Variants in TAS1R1 observed in about 807,000 individuals in gnomAD.
TAS1R1 encodes the protein taste receptor type 1 member 1.
A neutral mutation model predicts 45.8 loss-of-function variants in TAS1R1; 31 were observed. The ratio of observed to expected loss-of-function variants is 0.68; its 90% confidence interval spans 0.51 to 0.91. TAS1R1 has a LOEUF of 0.91. TAS1R1 is among the 40% of genes least tolerant of loss of function. TAS1R1 has a pLI of 0.00. For synonymous variants in TAS1R1, 437 were observed against 448.4 expected, an observed-to-expected ratio of 0.97 and a Z score of 0.32; for missense variants, 1,051 against 1,063.9, an observed-to-expected ratio of 0.99 and a Z score of 0.17.
At chr1:6,568,658 G>GTGGTTA (rs1345658678) in intron 1 of TAS1R1, among the ~76,000 whole-genome samples, 2 of 151,628 alleles carry the variant, frequency 1.3e-5, no homozygotes, top group African/African-American at 4.9e-5. Flanking sequence ...AGGTAATCAT[G>GTGGTTA]TGGTTATGGG....
intron 1 of TAS1R1, among the ~76,000 whole-genome samples, chr1:6,566,503 T>G (rs1639874230): frequency 6.6e-6 from 1 of 152,168 alleles, no homozygotes; most frequent in Non-Finnish European, 1.5e-5. Context: ...GGAGAGTGTG[T>G]TGGTCAAAGA....
chr1:6,564,887 G>T (rs182476585), intron 1 of TAS1R1, among the ~76,000 whole-genome samples: 10 of 152,316 alleles, frequency 6.6e-5, no homozygotes, highest in African/African-American at 2.4e-4. Context: ...CCTCCCCTGG[G>T]AGTGTTCCTC....
At chr1:6,567,015 C>T (rs898326469) in intron 1 of TAS1R1, among the ~76,000 whole-genome samples, 3 of 152,022 alleles carry the variant, frequency 2.0e-5, no homozygotes, top group African/African-American at 7.3e-5. Flanking sequence ...AGGGACTGGA[C>T]TGGCAGAGAG....
At chr1:6,564,687 TTGTCTGATTGTATGGAGCA>T (rs1639845407) in intron 1 of TAS1R1, among the ~76,000 whole-genome samples, 1 of 152,154 alleles carries the variant, frequency 6.6e-6, no homozygotes, top group Non-Finnish European at 1.5e-5. Context: ...GCTAGGGCCA[TTGTCTGATTGTATGGAGCA>T]AGGGAGATCA....
chr1:6,558,729 T>C (rs1200575244), intron 1 of TAS1R1, among the ~76,000 whole-genome samples: 5 of 150,124 alleles, frequency 3.3e-5, no homozygotes, highest in Non-Finnish European at 7.4e-5. Flanking sequence ...AAAAAAAATA[T>C]ATATATTTTG....
intron 5 of TAS1R1, 152 bp from the exon 6 acceptor site, chr1:6,578,501 C>T: frequency 2.9e-6 from 4 of 1,382,882 alleles, no homozygotes; most frequent in Middle Eastern, 5.2e-4. Flanking sequence ...AAATGCGTGG[C>T]CTCAGGCCCC....
Position 6,575,071 on chromosome 1 carries a change from C to T in TAS1R1, c.939C>T (p.Pro313=), listed in dbSNP as rs762164721. The T allele has an allele frequency of 2.6e-5, 42 of 1,588,216 alleles. No individual in the cohort carries two copies. Among genetic ancestry groups the T allele is most frequent in the Admixed American group, 3.5e-5 (2 of 57,668 alleles). ...TCTCCAGGCACATCACTGGGGTGCCCGGGATCCAGCGCATTGGGATGGTGC... is the reference window on the plus strand; with the variant it reads ...TCTCCAGGCACATCACTGGGGTGCCTGGGATCCAGCGCATTGGGATGGTGC... ...WALSRHITGV[P]GIQRIGMVLG... Residue 313 remains proline, a synonymous_variant, in exon 3 of 6, where the codon CCC becomes CCT. Transcript: ENST00000333172.
intron 3 of TAS1R1, among the ~76,000 whole-genome samples, chr1:6,576,002 G>C (rs1640163222): frequency 6.6e-6 from 1 of 151,692 alleles, no homozygotes; most frequent in Non-Finnish European, 1.5e-5. Flanking sequence ...CCTAATTTTT[G>C]TATTTTTAGT....
chr1:6,560,489 G>A lies in TAS1R1; in HGVS notation c.191+4925G>A, dbSNP rs116772195. Among the ~76,000 whole-genome samples, 1,386 of 152,352 alleles carry A rather than the reference G, an allele frequency of 9.1e-3. 16 individuals carry two copies. Among genetic ancestry groups the A allele is most frequent in the African/African-American group, 0.03 (1,264 of 41,586 alleles). On this transcript the variant is annotated intron_variant, in intron 1 of 5. Coordinates refer to ENST00000333172, the MANE Select transcript of TAS1R1 (RefSeq NM_138697.4). ...GGGTAAACCCACTTCCTGGTCGATG[G>A]GCAAAACAACAGCTGGGGAACATCT...
At position 6,575,106 on chromosome 1, in the gene TAS1R1, C is replaced by G. The variant is rs1043569860; in HGVS notation, c.974C>G (p.Ala325Gly). Reference protein sequence around the residue: ...IQRIGMVLGVAIQKRAVPGLK... With the variant: ...IQRIGMVLGVGIQKRAVPGLK... ...CGCATTGGGATGGTGCTGGGCGTGG[C>G]CATCCAGAAGAGGGCTGTCCCTGGC... The change falls in exon 3 of 6, where the codon GCC becomes GGC. Residue 325 changes from alanine to glycine, a missense_variant. Transcript: ENST00000333172. 6.3e-7 allele frequency: 1 copy of G among 1,585,786 alleles called. No individual in the cohort carries two copies. Among genetic ancestry groups the G allele is most frequent in the Admixed American group, 1.8e-5 (1 of 56,552 alleles).
rs1364988871 is a variant in TAS1R1 at position 6,579,298 on chromosome 1, A to C, written c.2240A>C (p.Tyr747Ser). Residue 747 changes from tyrosine (Y) to serine (S), a missense_variant, in exon 6 of 6, where the codon TAC (tyrosine) becomes TCC (serine). Tyr to Ser is a moderately radical substitution (Grantham distance 144). Transcript: ENST00000333172. ...LLSISAFACS[Y>S]LGKDLPENYN... ...TCCATCAGTGCCTTTGCCTGCAGCT[A>C]CCTGGGTAAGGACTTGCCAGAGAAC... is the stretch of plus-strand genomic sequence containing the variant. 5 of 1,614,036 alleles carry C rather than the reference A, an allele frequency of 3.1e-6. No individual in the cohort carries two copies. In the African/African-American group the frequency reaches 6.7e-5, roughly 22 times the overall value.
intron 3 of TAS1R1, among the ~76,000 whole-genome samples, 190 bp from the exon 4 acceptor site, chr1:6,576,225 G>A (rs1335362378): frequency 2.6e-5 from 4 of 152,186 alleles, no homozygotes; most frequent in African/African-American, 9.6e-5. Context: ...GTAAAGGAGT[G>A]TTTGTTAGAG....
intron 1 of TAS1R1, among the ~76,000 whole-genome samples, chr1:6,561,731 T>C (rs1161967394): frequency 7.9e-6 from 1 of 125,960 alleles, no homozygotes; most frequent in African/African-American, 2.8e-5. Context: ...AAAAAAAAAG[T>C]CTATTTGGGA....
chr1:6,564,002 G>A (rs1427897264), intron 1 of TAS1R1, among the ~76,000 whole-genome samples: 1 of 152,114 alleles, frequency 6.6e-6, no homozygotes, highest in African/African-American at 2.4e-5. Flanking sequence ...AGGAGAAGGA[G>A]GAGTCTGGGT....
Position 6,574,638 on chromosome 1 carries a change from A to G in TAS1R1, c.506A>G (p.Tyr169Cys), listed in dbSNP as rs375636683. The G allele has an allele frequency of 1.2e-6, 2 of 1,601,156 alleles. No individual in the cohort carries two copies. Among genetic ancestry groups the G allele is most frequent in the Non-Finnish European group, 1.7e-6 (2 of 1,172,196 alleles). ...LSPFLVPMIS[Y>C]AASSETLSVK... The stretch of plus-strand genomic sequence containing the variant: ...GAACGGGACCTCCCATAGATTAGCT[A>G]TGCGGCCAGCAGCGAGACGCTCAGC... Residue 169 changes from tyrosine (Y) to cysteine (C), a missense_variant, in exon 3 of 6, where the codon TAT (tyrosine) becomes TGT (cysteine). Coordinates refer to ENST00000333172, the MANE Select transcript of TAS1R1 (RefSeq NM_138697.4). The surrounding 1 kb of genome is among the most constrained non-coding windows in gnomAD (Gnocchi z 4.3).
At chr1:6,573,327 G>A (rs1267096135) in intron 2 of TAS1R1, among the ~76,000 whole-genome samples, 1 of 152,084 alleles carries the variant, frequency 6.6e-6, no homozygotes. Context: ...CGTGGTGGCA[G>A]GCACCTGTAA....
intron 1 of TAS1R1, among the ~76,000 whole-genome samples, chr1:6,563,774 A>G (rs528181003): frequency 6.6e-6 from 1 of 152,230 alleles, no homozygotes; most frequent in African/African-American, 2.4e-5. Flanking sequence ...AAGAGTAAGT[A>G]GGAAAGTAAA....
rs1240017013 is a variant in TAS1R1, at chr1:6,574,718, G to A, written c.586G>A (p.Val196Met). The change falls in exon 3 of 6, where the codon GTG (valine) becomes ATG (methionine). Residue 196 changes from valine (V) to methionine (M), a missense_variant. Transcript: ENST00000333172. The surrounding 1 kb of genome is among the most constrained non-coding windows in gnomAD (Gnocchi z 4.3). Reference sequence around the variant, plus strand: ...CACCATCCCCAATGACAAGTACCAGGTGGAGACCATGGTGCTGCTGCTGCA... The same window carrying A: ...CACCATCCCCAATGACAAGTACCAGATGGAGACCATGGTGCTGCTGCTGCA... Reference protein sequence around the residue: ...LRTIPNDKYQVETMVLLLQKF... With the variant: ...LRTIPNDKYQMETMVLLLQKF... 9 of 1,614,146 alleles carry A rather than the reference G, an allele frequency of 5.6e-6. No individual in the cohort carries two copies. The highest frequency in any genetic ancestry group is 7.6e-6 in the Non-Finnish European group (9 of 1,180,064).
At chr1:6,573,940 G>A (rs1042586361) in intron 2 of TAS1R1, among the ~76,000 whole-genome samples, 1 of 152,136 alleles carries the variant, frequency 6.6e-6, no homozygotes, top group African/African-American at 2.4e-5. Flanking sequence ...TGGGATTACA[G>A]GTGTGAGCCA....
Sources: gnomAD v4.1 joint callset for allele counts (sites outside exome capture counted in the v4.1 genomes callset) on GRCh38, gnomAD v4.1.1 for gene constraint, Gnocchi (gnomAD v3.1) non-coding constraint, MANE v1.5 for transcripts, NCBI Gene and HGNC (gene_info 2026-07-23, HGNC 2026-07-21) for gene names.